NR3C2: variants seen among roughly 807,000 people sequenced by gnomAD.
NR3C2 encodes the protein nuclear receptor subfamily 3 group C member 2.
Under a neutral mutation model 86.4 loss-of-function variants are expected in NR3C2, and 15 were observed. That is an observed-to-expected ratio of 0.17 (90% CI 0.12 to 0.27). NR3C2 has a LOEUF of 0.27. NR3C2 is among the 10% of genes least tolerant of loss of function. The probability of loss-of-function intolerance (pLI) is 1.00; values close to 1 mark genes in which losing one functional copy is unlikely to be tolerated. For missense variants in NR3C2, 960 were observed against 1,195.6 expected (o/e 0.80, Z 2.91); for synonymous variants, 458 against 450.5 (o/e 1.02, Z -0.21).
chr4:148,327,022 G>A (rs969252402), intron 2 of NR3C2, among the ~76,000 whole-genome samples: 4 of 151,912 alleles, frequency 2.6e-5, no homozygotes, highest in Admixed American at 6.6e-5. Context: ...AAAAGTCCAC[G>A]GTTGAATAAG....
At chr4:148,108,462 T>C (rs932814975) in intron 8 of NR3C2, among the ~76,000 whole-genome samples, 6 of 152,148 alleles carry the variant, frequency 3.9e-5, no homozygotes, top group African/African-American at 1.2e-4. Flanking sequence ...AGTGTGTACA[T>C]GTAGTATTTT....
At chr4:148,246,226 C>T (rs1424894169) in intron 3 of NR3C2, among the ~76,000 whole-genome samples, 11 of 152,168 alleles carry the variant, frequency 7.2e-5, no homozygotes, top group Non-Finnish European at 5.9e-5. Flanking sequence ...CACCTTTCTG[C>T]ATAATAATAT....
chr4:148,364,895 A>G (rs114282521), intron 2 of NR3C2, among the ~76,000 whole-genome samples: 31,236 of 151,298 alleles, frequency 0.21, 3,426 homozygotes, highest in Non-Finnish European at 0.24. Flanking sequence ...CATGAAATTC[A>G]TTTATGTTTC....
chr4:148,220,589 T>C (rs1219548133), intron 3 of NR3C2, among the ~76,000 whole-genome samples: 1 of 152,292 alleles, frequency 6.6e-6, no homozygotes, highest in South Asian at 2.1e-4. Flanking sequence ...GAGGATCACC[T>C]GAGCACAGGA....
At chr4:148,214,846 G>T (rs958638889) in intron 3 of NR3C2, among the ~76,000 whole-genome samples, 1 of 151,992 alleles carries the variant, frequency 6.6e-6, no homozygotes, top group African/African-American at 2.4e-5. Flanking sequence ...TTAAATATTG[G>T]CAAATAATTA....
At chr4:148,393,484 C>A (rs1747696557) in intron 2 of NR3C2, among the ~76,000 whole-genome samples, 1 of 152,130 alleles carries the variant, frequency 6.6e-6, no homozygotes, top group Admixed American at 6.6e-5. Flanking sequence ...TGTCACGGGG[C>A]TCAGATACCT....
chr4:148,328,089 C>G (rs1744054864), intron 2 of NR3C2, among the ~76,000 whole-genome samples: 1 of 152,192 alleles, frequency 6.6e-6, no homozygotes, highest in South Asian at 2.1e-4. Context: ...GCTGCCAGGA[C>G]TCTGCCATTT....
At chr4:148,211,875 T>A (rs556777469) in intron 3 of NR3C2, among the ~76,000 whole-genome samples, 1 of 152,348 alleles carries the variant, frequency 6.6e-6, no homozygotes, top group African/African-American at 2.4e-5. Flanking sequence ...TAATCAGCCA[T>A]CAATTAATGG....
chr4:148,127,541 CT>C (rs1396855052), intron 6 of NR3C2, among the ~76,000 whole-genome samples: 3 of 152,180 alleles, frequency 2.0e-5, no homozygotes, highest in Non-Finnish European at 4.4e-5. Flanking sequence ...TAATAGATTA[CT>C]GATGTAGAAA....
chr4:148,427,781 GC>G (rs1274042825), intron 2 of NR3C2, among the ~76,000 whole-genome samples: 2 of 152,110 alleles, frequency 1.3e-5, no homozygotes, highest in African/African-American at 2.4e-5. Flanking sequence ...TGGGCCTAAA[GC>G]AAGGATGTGC....
intron 3 of NR3C2, among the ~76,000 whole-genome samples, chr4:148,220,222 G>A (rs937383967): frequency 2.0e-5 from 3 of 152,026 alleles, no homozygotes; most frequent in African/African-American, 7.2e-5. Flanking sequence ...AAGTAACTGA[G>A]ACCACAGGCA....
intron 2 of NR3C2, among the ~76,000 whole-genome samples, chr4:148,393,874 T>C (rs1163356726): frequency 6.6e-6 from 1 of 152,110 alleles, no homozygotes; most frequent in Non-Finnish European, 1.5e-5. Context: ...GCCATAGAAT[T>C]TTCAGCTCCT....
intron 2 of NR3C2, among the ~76,000 whole-genome samples, chr4:148,317,861 T>C (rs28379421): frequency 0.34 from 51,048 of 150,002 alleles, 9,803 homozygotes; most frequent in African/African-American, 0.54. Flanking sequence ...GTGTTCTAGT[T>C]AAGCTGTTTT....
chr4:148,180,219 TA>T (rs1194128380), intron 4 of NR3C2, among the ~76,000 whole-genome samples: 4 of 151,816 alleles, frequency 2.6e-5, no homozygotes, highest in Non-Finnish European at 4.4e-5. Context: ...CAACTAGTTG[TA>T]ACAAGTTGCT....
At chr4:148,211,311 C>A (rs1167116271) in intron 3 of NR3C2, among the ~76,000 whole-genome samples, 3 of 152,156 alleles carry the variant, frequency 2.0e-5, no homozygotes, top group Non-Finnish European at 4.4e-5. Flanking sequence ...CCTATTAAAA[C>A]ACAAATTTTA....
intron 2 of NR3C2, among the ~76,000 whole-genome samples, chr4:148,381,007 G>C (rs1359385633): frequency 6.6e-6 from 1 of 152,104 alleles, no homozygotes; most frequent in Non-Finnish European, 1.5e-5. Flanking sequence ...TGGGTGGAAT[G>C]CTTGTGCTCA....
At chr4:148,188,346 G>A (rs1214387368) in intron 4 of NR3C2, among the ~76,000 whole-genome samples, 3 of 152,190 alleles carry the variant, frequency 2.0e-5, no homozygotes, top group Non-Finnish European at 1.5e-5. Context: ...ACCCAACCAT[G>A]AGCATGGGAT....
chr4:148,338,763 G>A lies in NR3C2; in HGVS notation c.1758-78646C>T, dbSNP rs529645687. ...CCAATAATGCTGAAAGGAATAGTCT[G>A]ATCCTTCCATCCTCCCAATAACAGA... On this transcript the variant is annotated intron_variant, in intron 2 of 8. Transcript: ENST00000358102. 2.6e-5 allele frequency among the ~76,000 whole-genome samples: 4 copies of A among 152,230 alleles called. No individual in the cohort carries two copies. In the East Asian group the frequency reaches 7.7e-4, roughly 29 times the overall value.
At chr4:148,217,612 G>C (rs1192967913) in intron 3 of NR3C2, among the ~76,000 whole-genome samples, 1 of 152,206 alleles carries the variant, frequency 6.6e-6, no homozygotes, top group African/African-American at 2.4e-5. Flanking sequence ...TCTTTTTGCT[G>C]ACCTATGCTG....
Sources: allele counts gnomAD v4.1 joint callset (sites outside exome capture counted in the v4.1 genomes callset), GRCh38; gene constraint gnomAD v4.1.1; transcripts MANE v1.5; gene names NCBI Gene and HGNC (gene_info 2026-07-23, HGNC 2026-07-21).